The following MPRIP variants were observed in gnomAD, a reference collection of about 807,000 sequenced individuals.
MPRIP encodes the protein myosin phosphatase Rho-interacting protein.
Under a neutral mutation model 234.9 loss-of-function variants are expected in MPRIP, and 59 were observed. The observed-to-expected ratio is 0.25, with a 90% confidence interval of 0.20 to 0.31. The LOEUF (loss-of-function observed/expected upper bound fraction) is 0.31. Among genes scored for constraint, MPRIP ranks in the 10% least tolerant of loss-of-function variants. The pLI is 1.00. For missense variants in MPRIP, 2,436 were observed against 3,071.0 expected (o/e 0.79, Z 4.89); for synonymous variants, 1,144 against 1,263.9 (o/e 0.91, Z 2.01).
In MPRIP at chr17:17,143,597, C is replaced by A; in HGVS notation, c.1431C>A (p.Ala477=). ...NEAPPAPLPD[A]SASPLSPHRR... ...CCCCCCCAGCTCCTCTCCCAGACGCCTCGGCTTCCCCCCTGTCTCCACACC... is the reference window on the plus strand; with the variant it reads ...CCCCCCCAGCTCCTCTCCCAGACGCATCGGCTTCCCCCCTGTCTCCACACC... The change falls in exon 9 of 24, where the codon GCC becomes GCA. Residue 477 remains alanine (A), a synonymous_variant. Coordinates refer to ENST00000651222, the MANE Select transcript of MPRIP (RefSeq NM_001364716.4). The A allele has an allele frequency of 1.2e-6, 2 of 1,605,136 alleles. No homozygotes were observed. Among genetic ancestry groups the A allele is most frequent in the Non-Finnish European group, 1.7e-6 (2 of 1,176,158 alleles).
rs142433227 is a variant in MPRIP, at chr17:17,112,275, T to A, written c.268-14427T>A. On this transcript the variant is annotated intron_variant, in intron 3 of 23. Coordinates refer to ENST00000651222, the MANE Select transcript of MPRIP (RefSeq NM_001364716.4). The stretch of plus-strand genomic sequence containing the variant: ...CTCTGTCGGGATCTCCCAGGACAAG[T>A]CTCGAGCCTTGTGCCTGGGGCCACC... 7.5e-3 allele frequency among the ~76,000 whole-genome samples: 1,139 copies of A among 152,244 alleles called. 14 individuals are homozygous for A. Among genetic ancestry groups the A allele is most frequent in the African/African-American group, 0.027 (1,108 of 41,536 alleles).
chr17:17,066,123 TA>T (rs1277534489), intron 1 of MPRIP, among the ~76,000 whole-genome samples: 1 of 152,244 alleles, frequency 6.6e-6, no homozygotes, highest in Non-Finnish European at 1.5e-5. Context: ...ATATGCCTTT[TA>T]TTTCCTTTTC....
chr17:17,081,881 G>A (rs570679447), intron 3 of MPRIP, among the ~76,000 whole-genome samples: 2 of 152,274 alleles, frequency 1.3e-5, no homozygotes, highest in African/African-American at 4.8e-5. Context: ...TCCCGAAAAA[G>A]GAAAAGAAAT....
At chr17:17,145,937 C>T in intron 9 of MPRIP, 99 bp from the exon 10 acceptor site, 1 of 1,193,988 alleles carries the variant, frequency 8.4e-7, no homozygotes. Flanking sequence ...AACCCCTTTC[C>T]TGGTACCCGC....
In MPRIP at chr17:17,167,438, G is replaced by A. The variant is rs373224454; in HGVS notation, c.5847G>A (p.Glu1949=). The A allele has an allele frequency of 8.8e-5, 115 of 1,304,262 alleles. 1 individual carries two copies. The African/African-American group carries it at 1.6e-3, about 18-fold the overall frequency. 80.8% of individuals were successfully genotyped at this position (1,304,262 alleles called of 1,614,324 possible). Reference sequence around the variant, plus strand: ...TGTTCACCCTGCGGGGCAGGTATGAGGAGGAGATTCGGTGTGTGGTGGAGC... The same window carrying A: ...TGTTCACCCTGCGGGGCAGGTATGAAGAGGAGATTCGGTGTGTGGTGGAGC... ...MSMFTLRGRY[E]EEIRCVVEQL... is the part of the protein sequence containing the mutation. Residue 1949 remains glutamate, a synonymous_variant, in exon 16 of 24, where the codon GAG becomes GAA. Transcript: ENST00000651222. This position sits in a 1 kb window ranked among gnomAD's most constrained non-coding sequence, Gnocchi z 5.9.
intron 1 of MPRIP, 138 bp from the exon 2 acceptor site, chr17:17,075,572 C>T (rs2089308251): frequency 4.1e-6 from 3 of 734,108 alleles, no homozygotes; most frequent in Non-Finnish European, 4.8e-6. Context: ...TGCAGACGCA[C>T]CGCAGTGGAA....
intron 7 of MPRIP, chr17:17,142,235 G>T: frequency 5.9e-6 from 1 of 169,866 alleles, no homozygotes; most frequent in African/African-American, 2.4e-5. Context: ...GCTAAATTTT[G>T]GGGTGGGGGG....
At chr17:17,083,984 G>A (rs1488432147) in intron 3 of MPRIP, among the ~76,000 whole-genome samples, 1 of 152,090 alleles carries the variant, frequency 6.6e-6, no homozygotes. Flanking sequence ...CTCGTGATCC[G>A]CCCGCCTCGG....
intron 1 of MPRIP, among the ~76,000 whole-genome samples, chr17:17,046,478 C>T (rs771217822): frequency 1.1e-4 from 16 of 151,958 alleles, no homozygotes; most frequent in East Asian, 1.9e-4. Flanking sequence ...TCAGATACCA[C>T]GAAATTGCCT....
chr17:17,176,358 C>A, intron 20 of MPRIP, 68 bp from the exon 21 acceptor site: 4 of 1,236,068 alleles, frequency 3.2e-6, no homozygotes, highest in Non-Finnish European at 4.8e-6. Context: ...CACGCTTCAG[C>A]CTGCTGTGGA....
At chr17:17,182,110 C>G (rs1192971161) in intron 23 of MPRIP, 1 of 152,194 alleles carries the variant, frequency 6.6e-6, no homozygotes, top group African/African-American at 2.4e-5. Context: ...TCCCAGGAGA[C>G]ATTAGGAGGC....
chr17:17,126,199 C>T (rs1470617340), intron 3 of MPRIP, among the ~76,000 whole-genome samples: 3 of 152,178 alleles, frequency 2.0e-5, no homozygotes, highest in Non-Finnish European at 4.4e-5. Context: ...TGGGAAGGTG[C>T]CGTGGGCCAG....
chr17:17,065,195 T>C (rs1173576134), intron 1 of MPRIP, among the ~76,000 whole-genome samples: 1 of 152,200 alleles, frequency 6.6e-6, no homozygotes, highest in Non-Finnish European at 1.5e-5. Context: ...GTCTAGATAT[T>C]AGTCCTTTGC....
At position 17,164,883 on chromosome 17, in the gene MPRIP, G is replaced by C. The variant is rs1327814534; in HGVS notation, c.3292G>C (p.Glu1098Gln). 3 of 1,303,974 alleles carry C rather than the reference G, an allele frequency of 2.3e-6. No homozygotes were observed. The highest frequency in any genetic ancestry group is 3.0e-6 in the Non-Finnish European group (3 of 988,832). 80.8% of individuals were successfully genotyped at this position (1,303,974 alleles called of 1,614,324 possible). Residue 1098 changes from glutamate (E) to glutamine (Q), a missense_variant, in exon 16 of 24, where the codon GAG becomes CAG. Physicochemically the swap from Glu to Gln is conservative, Grantham distance 29 (BLOSUM62 2). Around this residue, in one of 4 missense-constraint regions of MPRIP, gnomAD observed 1,998 missense variants for 2,520.3 expected, o/e 0.79. Transcript: ENST00000651222. ...AREASVRRLA[E>Q]HVQSLCDERD... ...AGAGGCCAGCGTGCGCAGGCTCGCA[G>C]AGCACGTGCAGAGCCTCTGTGACGA... is the stretch of plus-strand genomic sequence containing the variant.
At position 17,174,014 on chromosome 17, in the gene MPRIP, C is replaced by T; in HGVS notation, c.6689C>T (p.Ala2230Val). ...ENAHLAQALE[A>V]ERQALRQCQR... is the part of the protein sequence containing the mutation. ...GCCCATCTGGCCCAGGCGCTGGAGG[C>T]CGAGCGGCAGGCCCTGCGGCAGTGC... The change falls in exon 19 of 24, where the codon GCC becomes GTC. Residue 2230 changes from alanine (A) to valine (V), a missense_variant. Around this residue, in one of 4 missense-constraint regions of MPRIP, gnomAD observed 1,998 missense variants for 2,520.3 expected, o/e 0.79. Transcript: ENST00000651222. 1 of 1,613,660 alleles carries T rather than the reference C, an allele frequency of 6.2e-7. No homozygotes were observed. The highest frequency in any genetic ancestry group is 8.5e-7 in the Non-Finnish European group (1 of 1,180,034).
chr17:17,182,849 A>G (rs958504026), intron 23 of MPRIP: 6 of 152,314 alleles, frequency 3.9e-5, no homozygotes, highest in African/African-American at 9.6e-5. Flanking sequence ...AAAGTCCCCA[A>G]CAAGCAGGAA....
intron 6 of MPRIP, among the ~76,000 whole-genome samples, chr17:17,136,877 A>G (rs1221900142): frequency 6.6e-6 from 1 of 151,938 alleles, no homozygotes; most frequent in Non-Finnish European, 1.5e-5. Context: ...GAAGGAGGGG[A>G]AGGGGTGCTG....
Position 17,078,569 on chromosome 17 carries a change from G to A in MPRIP, c.267+493G>A, listed in dbSNP as rs549194159. On this transcript the variant is annotated intron_variant, in intron 3 of 23. Coordinates refer to ENST00000651222, the MANE Select transcript of MPRIP (RefSeq NM_001364716.4). This position sits in a 1 kb window ranked among gnomAD's most constrained non-coding sequence, Gnocchi z 4.3. ...CCGAGCTGACTTCAGAGGCCTCCTG[G>A]TCACAAGGTCATCGTTCTTCTGGTC... is the stretch of plus-strand genomic sequence containing the variant. 8.7e-4 allele frequency among the ~76,000 whole-genome samples: 132 copies of A among 152,294 alleles called. No individual in the cohort carries two copies. The highest frequency in any genetic ancestry group is 1.4e-3 in the Non-Finnish European group (97 of 68,004).
intron 1 of MPRIP, among the ~76,000 whole-genome samples, chr17:17,062,304 C>T (rs1445982000): frequency 6.6e-6 from 1 of 152,100 alleles, no homozygotes; most frequent in Non-Finnish European, 1.5e-5. Flanking sequence ...AGGCATCTTC[C>T]CCTCCCTTAA....
Sources: allele counts gnomAD v4.1 joint callset (sites outside exome capture counted in the v4.1 genomes callset), GRCh38; gene constraint gnomAD v4.1.1; regional missense constraint gnomAD v4.1.1; non-coding constraint Gnocchi (gnomAD v3.1); transcripts MANE v1.5; gene names NCBI Gene and HGNC (gene_info 2026-07-23, HGNC 2026-07-21).